Variants in NCOA7 observed in about 807,000 individuals in gnomAD.
NCOA7 encodes the protein nuclear receptor coactivator 7.
Under a neutral mutation model 104.3 loss-of-function variants are expected in NCOA7, and 45 were observed. The ratio of observed to expected loss-of-function variants is 0.43; its 90% CI spans 0.34 to 0.55. NCOA7 has a LOEUF of 0.55. Among genes scored for constraint, NCOA7 ranks in the 20% least tolerant of loss-of-function variants. The pLI, the probability that NCOA7 is intolerant of heterozygous loss-of-function variation, is 0.02. For missense variants in NCOA7, 1,041 were observed against 1,119.7 expected, an observed-to-expected ratio of 0.93 and a Z score of 1.00; for synonymous variants, 398 against 402.3, an observed-to-expected ratio of 0.99 and a Z score of 0.13.
At chr6:125,782,428 T>A (rs2128535569) in intron 1 of NCOA7, among the ~76,000 whole-genome samples, 1 of 152,354 alleles carries the variant, frequency 6.6e-6, no homozygotes, top group South Asian at 2.1e-4. Context: ...GAAATTTAAT[T>A]CCACATTGTC....
chr6:125,918,130 CT>C (rs1203422479), intron 11 of NCOA7, among the ~76,000 whole-genome samples: 1 of 152,238 alleles, frequency 6.6e-6, no homozygotes, highest in East Asian at 1.9e-4. Context: ...TTAATTTTCC[CT>C]TTTTTTGTAG....
chr6:125,926,324 A>G (rs867805062), intron 13 of NCOA7, among the ~76,000 whole-genome samples: 2,329 of 148,424 alleles, frequency 0.016, 24 homozygotes, highest in Non-Finnish European at 0.025. Context: ...AAAAAAAAAA[A>G]GGGAGGGGGG....
At chr6:125,804,194 A>T (rs1776194451) in intron 1 of NCOA7, among the ~76,000 whole-genome samples, 1 of 152,190 alleles carries the variant, frequency 6.6e-6, no homozygotes, top group Non-Finnish European at 1.5e-5. Flanking sequence ...CGGGCCAGAG[A>T]GTCTATGGTT....
At chr6:125,862,838 A>C (rs1282170387) in intron 3 of NCOA7, among the ~76,000 whole-genome samples, 1 of 137,464 alleles carries the variant, frequency 7.3e-6, no homozygotes, top group African/African-American at 3.1e-5. Context: ...TACTAAACAT[A>C]CAAAAAAATT....
Position 125,813,449 on chromosome 6 carries a change from A to ATT in NCOA7, c.-64-1823_-64-1822dup, listed in dbSNP as rs36073060. Among the ~76,000 whole-genome samples, 563 of 135,664 alleles carry ATT rather than the reference A, an allele frequency of 4.1e-3. 3 individuals are homozygous for ATT. Among genetic ancestry groups the ATT allele is most frequent in the African/African-American group, 0.014 (513 of 36,592 alleles). The allele number at this position is 135,664 out of a possible 152,430, so 89.0% of individuals were successfully genotyped here. ...TCGTACCCTTTACCTGGGAAATGCA[A>ATT]TTTTTTTTTTTTTTTTTTTTAGACG... is the stretch of plus-strand genomic sequence containing the variant. On this transcript the variant is annotated intron_variant, in intron 1 of 15. Transcript: ENST00000392477.
chr6:125,832,050 C>T (rs755489938), intron 2 of NCOA7, among the ~76,000 whole-genome samples: 31 of 152,268 alleles, frequency 2.0e-4, no homozygotes, highest in African/African-American at 5.8e-4. Flanking sequence ...AGACATGAGC[C>T]GCCACACTGG....
upstream of NCOA7, among the ~76,000 whole-genome samples, chr6:125,787,940 A>C (rs1562746027): frequency 1.3e-5 from 2 of 152,194 alleles, no homozygotes; most frequent in Non-Finnish European, 2.9e-5. Context: ...TGGATAAAGC[A>C]TATCCTTTAC....
intron 7 of NCOA7, among the ~76,000 whole-genome samples, chr6:125,883,344 T>G (rs1209465354): frequency 6.6e-6 from 1 of 152,206 alleles, no homozygotes; most frequent in Non-Finnish European, 1.5e-5. Flanking sequence ...AAGAAATTTT[T>G]TAAAAGACAG....
rs1161745872 is a variant in NCOA7 at position 125,931,196 on chromosome 6, A to T, written c.*2425A>T. ...GTGAGAGGATGGTGAAATATCCAAG[A>T]CTAAACAAGGTCCAGAGCTCATGTT... On this transcript the variant is annotated 3_prime_UTR_variant, in exon 16 of 16. Coordinates refer to ENST00000392477, the MANE Select transcript of NCOA7 (RefSeq NM_181782.5). 1 of 152,354 alleles carries T rather than the reference A, an allele frequency of 6.6e-6. No homozygotes were observed. Among genetic ancestry groups the T allele is most frequent in the Admixed American group, 6.5e-5 (1 of 15,286 alleles). The allele number at this position is 152,354 out of a possible 1,614,324, so 9.4% of individuals were successfully genotyped here. A position where few individuals can be genotyped will look rare whatever the true frequency, so the allele number is the denominator to read the frequency against.
At chr6:125,873,136 TA>T (rs1285058766) in intron 3 of NCOA7, among the ~76,000 whole-genome samples, 1 of 152,184 alleles carries the variant, frequency 6.6e-6, no homozygotes, top group Non-Finnish European at 1.5e-5. Flanking sequence ...GATGAAATGA[TA>T]TCGTTGAGAC....
intron 1 of NCOA7, among the ~76,000 whole-genome samples, chr6:125,813,472 A>G (rs1004821648): frequency 7.2e-6 from 1 of 138,918 alleles, no homozygotes; most frequent in Non-Finnish European, 1.5e-5. Context: ...TTTTTTTTAG[A>G]CGGAGTTTTG....
intron 2 of NCOA7, among the ~76,000 whole-genome samples, chr6:125,840,614 A>G: frequency 6.6e-6 from 1 of 151,700 alleles, no homozygotes; most frequent in African/African-American, 2.4e-5. Context: ...TCCCAGGCTC[A>G]GGTGGTCCTC....
At chr6:125,864,081 A>G (rs1782256516) in intron 3 of NCOA7, among the ~76,000 whole-genome samples, 1 of 137,948 alleles carries the variant, frequency 7.2e-6, no homozygotes, top group Non-Finnish European at 1.5e-5. Flanking sequence ...TGACCCAACA[A>G]TTCTGTTTTT....
At chr6:125,882,097 G>C (rs1253104797) in intron 6 of NCOA7, among the ~76,000 whole-genome samples, 1 of 152,096 alleles carries the variant, frequency 6.6e-6, no homozygotes, top group Non-Finnish European at 1.5e-5. Flanking sequence ...CAGGTGATCT[G>C]CCCACCCCGG....
chr6:125,853,096 A>G (rs1323592556), intron 2 of NCOA7, among the ~76,000 whole-genome samples: 5 of 152,194 alleles, frequency 3.3e-5, no homozygotes, highest in South Asian at 2.1e-4. Flanking sequence ...GTCATCTACA[A>G]TTCCTTTCAG....
intron 10 of NCOA7, chr6:125,913,789 T>A: frequency 2.9e-6 from 1 of 348,970 alleles, no homozygotes; most frequent in Non-Finnish European, 4.0e-6. Flanking sequence ...CCACCTTACA[T>A]AAAGACTCCC....
intron 1 of NCOA7, among the ~76,000 whole-genome samples, chr6:125,795,861 A>T (rs1034820151): frequency 1.3e-5 from 2 of 152,210 alleles, no homozygotes; most frequent in African/African-American, 4.8e-5. Context: ...AAAAAACCTG[A>T]TGAAAGTTCA....
At chr6:125,805,472 C>T (rs115135357) in intron 1 of NCOA7, among the ~76,000 whole-genome samples, 91 of 152,124 alleles carry the variant, frequency 6.0e-4, no homozygotes, top group African/African-American at 2.1e-3. Flanking sequence ...TAGTAATAGC[C>T]CACCCTTACA....
chr6:125,927,808 G>T lies in NCOA7; in HGVS notation c.2619+50G>T, dbSNP rs182505994. 10 of 1,425,844 alleles carry T rather than the reference G, an allele frequency of 7.0e-6. No individual in the cohort carries two copies. In the African/African-American group the frequency reaches 7.0e-5, roughly 10 times the overall value. The allele number at this position is 1,425,844 out of a possible 1,614,324, so 88.3% of individuals were successfully genotyped here. ...ACTCCCATATGTCACAGTGTCCTCA[G>T]TTGGGGAAGGGGATAGGCATTGGGG... On this transcript the variant is annotated intron_variant, in intron 14 of 15. Transcript: ENST00000392477.
Sources: allele counts gnomAD v4.1 joint callset (sites outside exome capture counted in the v4.1 genomes callset), GRCh38; gene constraint gnomAD v4.1.1; transcripts MANE v1.5; gene names NCBI Gene and HGNC (gene_info 2026-07-23, HGNC 2026-07-21).